Variants in CDH8 observed in about 807,000 individuals in gnomAD.
The protein encoded by CDH8 is cadherin 8, also known as cadherin-8.
In CDH8, 17 loss-of-function variants were observed where a neutral mutation model predicts 68.1. The ratio of observed to expected loss-of-function variants is 0.25; its 90% CI spans 0.17 to 0.37. The LOEUF is 0.37. Ranked by LOEUF, CDH8 falls within the 10% of genes least tolerant of loss-of-function variation. CDH8 has a pLI of 1.00. For missense variants in CDH8, 763 were observed against 999.3 expected (o/e 0.76, Z 3.19); for synonymous variants, 372 against 365.1 (o/e 1.02, Z -0.21).
At chr16:61,889,336 G>C (rs1963734273) in intron 3 of CDH8, among the ~76,000 whole-genome samples, 1 of 152,068 alleles carries the variant, frequency 6.6e-6, no homozygotes, top group African/African-American at 2.4e-5. Flanking sequence ...AAAATCAAAT[G>C]GCAAACTTCA....
chr16:61,946,258 A>G (rs1964799800), intron 2 of CDH8, among the ~76,000 whole-genome samples: 1 of 152,142 alleles, frequency 6.6e-6, no homozygotes, highest in South Asian at 2.1e-4. Context: ...TTTCTGGCCT[A>G]AGATCCTTCA....
intron 4 of CDH8, among the ~76,000 whole-genome samples, chr16:61,841,950 C>T (rs1481100863): frequency 2.6e-5 from 4 of 152,032 alleles, no homozygotes; most frequent in Admixed American, 6.6e-5. Flanking sequence ...TGCAGTGGCA[C>T]GATCTCGGTT....
intron 8 of CDH8, among the ~76,000 whole-genome samples, chr16:61,773,062 A>T (rs1003488944): frequency 7.9e-5 from 12 of 152,090 alleles, no homozygotes; most frequent in African/African-American, 2.9e-4. Context: ...TCCTTAACTG[A>T]ATAGGCTTTA....
chr16:61,998,184 A>T (rs1393252584), intron 2 of CDH8, among the ~76,000 whole-genome samples: 2 of 152,162 alleles, frequency 1.3e-5, no homozygotes, highest in Non-Finnish European at 2.9e-5. Context: ...ATAATTAGGA[A>T]ATGATAAAAT....
chr16:61,751,501 T>C (rs1377599569), intron 8 of CDH8, among the ~76,000 whole-genome samples: 2 of 149,876 alleles, frequency 1.3e-5, no homozygotes, highest in African/African-American at 2.5e-5. Context: ...TAGCTCAAGA[T>C]AGAAGACCGT....
At chr16:61,993,685 G>A (rs1278935324) in intron 2 of CDH8, among the ~76,000 whole-genome samples, 1 of 152,080 alleles carries the variant, frequency 6.6e-6, no homozygotes. Flanking sequence ...CCTTCCAGAA[G>A]CAACTACTGT....
At chr16:61,917,910 T>G (rs568806823) in intron 2 of CDH8, among the ~76,000 whole-genome samples, 1 of 147,910 alleles carries the variant, frequency 6.8e-6, no homozygotes, top group South Asian at 2.2e-4. Context: ...GAATAGTCCA[T>G]AGACCCCTGG....
At chr16:61,691,389 G>A (rs1222634684) in intron 10 of CDH8, among the ~76,000 whole-genome samples, 1 of 149,150 alleles carries the variant, frequency 6.7e-6, no homozygotes, top group African/African-American at 2.5e-5. Flanking sequence ...TTGTTTTCTT[G>A]CATTAGAGTG....
Position 61,782,559 on chromosome 16 carries a change from A to C in CDH8, c.1414+6787T>G, listed in dbSNP as rs1210142927. Among the ~76,000 whole-genome samples, 219 of 149,154 alleles carry C rather than the reference A, an allele frequency of 1.5e-3. 3 individuals carry two copies. The highest frequency in any genetic ancestry group is 5.3e-3 in the African/African-American group (209 of 39,226). ...GCTTGCTTAGGTAAACAAAGCAGCCAGGAAGCTCGAACTGGGTGGAGCCCA... is the reference window on the plus strand; with the variant it reads ...GCTTGCTTAGGTAAACAAAGCAGCCCGGAAGCTCGAACTGGGTGGAGCCCA... On this transcript the variant is annotated intron_variant, in intron 8 of 11. Transcript: ENST00000577390.
intron 3 of CDH8, among the ~76,000 whole-genome samples, chr16:61,859,800 G>A (rs1053946637): frequency 6.6e-6 from 1 of 152,096 alleles, no homozygotes; most frequent in African/African-American, 2.4e-5. Flanking sequence ...TAAGAGGTGG[G>A]GCCTTTAAGA....
intron 1 of CDH8, among the ~76,000 whole-genome samples, chr16:62,025,372 T>C: frequency 9.0e-6 from 1 of 111,228 alleles, no homozygotes; most frequent in East Asian, 2.2e-4. Context: ...TGCCAGTTCT[T>C]TGTGAAGAGA....
intron 2 of CDH8, among the ~76,000 whole-genome samples, chr16:61,985,351 C>T (rs147256760): frequency 6.6e-6 from 1 of 152,296 alleles, no homozygotes; most frequent in African/African-American, 2.4e-5. Context: ...GGCTCACTAT[C>T]TACATGTCAA....
chr16:61,787,549 T>C (rs1375125450), intron 8 of CDH8, among the ~76,000 whole-genome samples: 1 of 141,006 alleles, frequency 7.1e-6, no homozygotes, highest in East Asian at 2.1e-4. Context: ...CTCAGGGATC[T>C]AGAACTAGAA....
At chr16:61,760,582 G>A (rs1960439488) in intron 8 of CDH8, among the ~76,000 whole-genome samples, 2 of 151,898 alleles carry the variant, frequency 1.3e-5, no homozygotes, top group Admixed American at 1.3e-4. Flanking sequence ...TAAAGTGCTG[G>A]GATTACAGGC....
chr16:61,789,151 T>C (rs1351278882), intron 8 of CDH8, among the ~76,000 whole-genome samples, 195 bp downstream of exon 8: 1 of 152,122 alleles, frequency 6.6e-6, no homozygotes, highest in Non-Finnish European at 1.5e-5. Context: ...TCACATATCC[T>C]GAAACATTTC....
In CDH8 at chr16:61,653,805, C is replaced by G; in HGVS notation, c.2203G>C (p.Asp735His). Residue 735 changes from aspartate (D) to histidine (H), a missense_variant, in exon 12 of 12, where the codon GAT (aspartate) becomes CAT (histidine). By Grantham distance (81) the Asp-to-His change is moderately conservative. Transcript: ENST00000577390. ...GAGTCATATGGCGGGGCCGTGGGAT[C>G]ATTATCTGCCTCATGCAGCCTTACA... ...INVRLHEADN[D>H]PTAPPYDSIQ... 1 of 1,614,200 alleles carries G rather than the reference C, an allele frequency of 6.2e-7. No homozygotes were observed. Among genetic ancestry groups the G allele is most frequent in the Non-Finnish European group, 8.5e-7 (1 of 1,180,044 alleles).
intron 2 of CDH8, among the ~76,000 whole-genome samples, chr16:62,016,458 T>C (rs1311799506): frequency 6.6e-6 from 1 of 152,222 alleles, no homozygotes; most frequent in Non-Finnish European, 1.5e-5. Context: ...TCAAGCTGTC[T>C]ACCATAAAGA....
intron 2 of CDH8, among the ~76,000 whole-genome samples, chr16:61,916,799 T>A (rs1964245627): frequency 6.6e-6 from 1 of 152,030 alleles, no homozygotes; most frequent in South Asian, 2.1e-4. Context: ...TATTGGTGCA[T>A]TTGAGGAGAG....
chr16:62,001,893 AC>A (rs1965900095), intron 2 of CDH8, among the ~76,000 whole-genome samples: 1 of 152,172 alleles, frequency 6.6e-6, no homozygotes, highest in Non-Finnish European at 1.5e-5. Flanking sequence ...ATGTAGGTGA[AC>A]TGGTAGTGAT....
Sources: allele counts gnomAD v4.1 joint callset (sites outside exome capture counted in the v4.1 genomes callset), GRCh38; gene constraint gnomAD v4.1.1; transcripts MANE v1.5; gene names NCBI Gene and HGNC (gene_info 2026-07-23, HGNC 2026-07-21).